The following EPSTI1 variants were observed in gnomAD, a reference collection of about 807,000 sequenced individuals.
EPSTI1 encodes the protein epithelial-stromal interaction protein 1.
A neutral mutation model predicts 49.9 loss-of-function variants in EPSTI1; 66 were observed. The observed-to-expected ratio is 1.32, with a 90% CI of 1.08 to 1.62. The LOEUF (loss-of-function observed/expected upper bound fraction) is 1.62, where lower values mean the gene tolerates loss of function less well. Among genes scored for constraint, EPSTI1 ranks in the 40% most tolerant of loss-of-function variants. EPSTI1 has a pLI of 0.00. For missense variants in EPSTI1, 394 were observed against 365.5 expected (o/e 1.08, Z -0.64); for synonymous variants, 137 against 130.7 (o/e 1.05, Z -0.33).
chr13:42,989,139 G>A (rs1222191094), intron 1 of EPSTI1, among the ~76,000 whole-genome samples: 1 of 145,028 alleles, frequency 6.9e-6, no homozygotes, highest in Non-Finnish European at 1.5e-5. Context: ...GAGGTTACAG[G>A]CACAAGCCCC....
At position 42,926,370 on chromosome 13, in the gene EPSTI1, T is replaced by C; in HGVS notation, c.623A>G (p.Gln208Arg). ...GGATTGTGGGCCACAAACAGCACTT[T>C]GACAGGCACTTCTGTCTGGCGATTC... ...NTESPDRSACQSAVCGPQSST... is the reference protein window; with the variant it reads ...NTESPDRSACRSAVCGPQSST... Residue 208 changes from glutamine to arginine, a missense_variant, in exon 7 of 11, where the codon CAA becomes CGA. Coordinates refer to ENST00000313624, the MANE Select transcript of EPSTI1 (RefSeq NM_033255.5). 6.2e-7 allele frequency: 1 copy of C among 1,613,468 alleles called. No individual in the cohort carries two copies.
intron 6 of EPSTI1, among the ~76,000 whole-genome samples, chr13:42,937,490 C>T (rs1200157696): frequency 6.6e-6 from 1 of 152,218 alleles, no homozygotes; most frequent in Non-Finnish European, 1.5e-5. Context: ...TTAAACCCTG[C>T]CACCACTTTA....
rs578040685 is a variant in EPSTI1 at position 42,951,661 on chromosome 13, C to T, written c.563+2287G>A. Among the ~76,000 whole-genome samples, 12 of 152,320 alleles carry T rather than the reference C, an allele frequency of 7.9e-5. No individual in the cohort carries two copies. In the East Asian group the frequency reaches 1.4e-3, roughly 17 times the overall value. On this transcript the variant is annotated intron_variant, in intron 6 of 10. Transcript: ENST00000313624. ...GAACTATAAAAGAAAGGAGGTTGGA[C>T]GCACAGCTTCTAATGTCTTTTAAAA... is the stretch of plus-strand genomic sequence containing the variant.
rs376113943 is a variant in EPSTI1 at position 42,922,386 on chromosome 13, T to C, written c.657+3950A>G. Reference sequence around the variant, plus strand: ...GGCCCATTGTAATCAAAAGGGTCATTATAAGAGGAAGGCAGAAAGGTCAGG... The same window carrying C: ...GGCCCATTGTAATCAAAAGGGTCATCATAAGAGGAAGGCAGAAAGGTCAGG... On this transcript the variant is annotated intron_variant, in intron 7 of 10. Transcript: ENST00000313624. The surrounding 1 kb of genome is among the most constrained non-coding windows in gnomAD (Gnocchi z 4.8). Among the ~76,000 whole-genome samples, 2 of 152,056 alleles carry C rather than the reference T, an allele frequency of 1.3e-5. No individual in the cohort carries two copies. The highest frequency in any genetic ancestry group is 6.5e-5 in the Admixed American group (1 of 15,288).
chr13:42,888,566 C>CA, intron 10 of EPSTI1, 64 bp from the exon 11 acceptor site: 1 of 1,522,830 alleles, frequency 6.6e-7, no homozygotes, highest in South Asian at 1.3e-5. Context: ...CCTTTGTAGT[C>CA]AAAAATGAAG....
intron 8 of EPSTI1, 100 bp from the exon 9 acceptor site, chr13:42,900,483 T>C: frequency 3.4e-6 from 4 of 1,178,214 alleles, no homozygotes; most frequent in Non-Finnish European, 4.9e-6. Flanking sequence ...TGGTACAATA[T>C]TTCATTTTTG....
At chr13:42,974,493 T>TA in intron 1 of EPSTI1, among the ~76,000 whole-genome samples, 1 of 101,954 alleles carries the variant, frequency 9.8e-6, no homozygotes. Context: ...CCGTCTCTAC[T>TA]AAAAATACAA....
chr13:42,967,418 G>A (rs1398240067), intron 3 of EPSTI1, among the ~76,000 whole-genome samples: 1 of 152,114 alleles, frequency 6.6e-6, no homozygotes, highest in African/African-American at 2.4e-5. Context: ...TTGTCCATTG[G>A]CCACTGAGAT....
Position 42,887,643 on chromosome 13 carries a change from G to A in EPSTI1, c.*851C>T, listed in dbSNP as rs1380451758. ...CTTACACTCTAGGGTCTGAGAACTG[G>A]TTCAGGGTCACAGAAGTGAATAAGA... On this transcript the variant is annotated 3_prime_UTR_variant, in exon 11 of 11. Coordinates refer to ENST00000313624, the MANE Select transcript of EPSTI1 (RefSeq NM_033255.5). 2 of 152,228 alleles carry A rather than the reference G, an allele frequency of 1.3e-5. No individual in the cohort carries two copies. The highest frequency in any genetic ancestry group is 1.3e-4 in the Admixed American group (2 of 15,270). The allele number at this position is 152,228 out of a possible 1,614,324, so 9.4% of individuals were successfully genotyped here. A position where few individuals can be genotyped will look rare whatever the true frequency, so the allele number is the denominator to read the frequency against.
chr13:42,924,468 C>A (rs528051988), intron 7 of EPSTI1, among the ~76,000 whole-genome samples: 1 of 152,306 alleles, frequency 6.6e-6, no homozygotes, highest in Non-Finnish European at 1.5e-5. Flanking sequence ...GAGCAGCACA[C>A]GCAGTTCTGC....
intron 5 of EPSTI1, among the ~76,000 whole-genome samples, chr13:42,957,939 T>C (rs1361107383): frequency 6.6e-6 from 1 of 152,230 alleles, no homozygotes; most frequent in African/African-American, 2.4e-5. Flanking sequence ...TGGGATCTTT[T>C]CTTTCTTTCT....
intron 8 of EPSTI1, 50 bp downstream of exon 8, chr13:42,917,491 T>C: frequency 1.4e-6 from 2 of 1,435,886 alleles, no homozygotes; most frequent in African/African-American, 1.4e-5. Context: ...CAAAATTATC[T>C]AGTACCTCAA....
At chr13:42,914,867 G>GA (rs1185194225) in intron 8 of EPSTI1, among the ~76,000 whole-genome samples, 1 of 152,060 alleles carries the variant, frequency 6.6e-6, no homozygotes, top group Non-Finnish European at 1.5e-5. Context: ...TGAAGATATA[G>GA]AAAAAAGAGG....
chr13:42,953,901 G>T, intron 6 of EPSTI1, 47 bp downstream of exon 6: 2 of 1,496,184 alleles, frequency 1.3e-6, no homozygotes. Context: ...AAACCTCTAT[G>T]AACAATCTGC....
intron 6 of EPSTI1, among the ~76,000 whole-genome samples, chr13:42,930,789 A>G (rs971137386): frequency 2.0e-5 from 3 of 152,334 alleles, no homozygotes; most frequent in African/African-American, 4.8e-5. Context: ...CCTTTCCCCA[A>G]AGGACAACAT....
chr13:42,988,543 C>T (rs1366824238), intron 1 of EPSTI1, among the ~76,000 whole-genome samples: 1 of 152,024 alleles, frequency 6.6e-6, no homozygotes, highest in East Asian at 1.9e-4. Context: ...CCGGCCTGGC[C>T]AATGTGGCGA....
chr13:42,951,602 T>G (rs1052313691), intron 6 of EPSTI1, among the ~76,000 whole-genome samples: 2 of 152,178 alleles, frequency 1.3e-5, no homozygotes, highest in African/African-American at 4.8e-5. Context: ...TGATTGATCT[T>G]CTGTATTTAG....
intron 6 of EPSTI1, among the ~76,000 whole-genome samples, chr13:42,940,323 G>A (rs1021058463): frequency 6.6e-6 from 1 of 151,980 alleles, no homozygotes; most frequent in Non-Finnish European, 1.5e-5. Flanking sequence ...TGGAAAGTCG[G>A]GTCCTACCTA....
intron 7 of EPSTI1, among the ~76,000 whole-genome samples, chr13:42,919,673 G>C (rs4142373): frequency 0.18 from 27,041 of 152,088 alleles, 2,716 homozygotes; most frequent in East Asian, 0.4. Flanking sequence ...TGATATGATA[G>C]AGGAAGCCAA....
Sources: gnomAD v4.1 joint callset for allele counts (sites outside exome capture counted in the v4.1 genomes callset) on GRCh38, gnomAD v4.1.1 for gene constraint, Gnocchi (gnomAD v3.1) non-coding constraint, MANE v1.5 for transcripts, NCBI Gene and HGNC (gene_info 2026-07-23, HGNC 2026-07-21) for gene names.